KCNIP3: variants seen among roughly 807,000 people sequenced by gnomAD.
KCNIP3 encodes the protein calsenilin.
In KCNIP3, 28 loss-of-function variants were observed where a neutral mutation model predicts 35.0. The observed-to-expected ratio is 0.80, with a 90% CI of 0.59 to 1.10. The LOEUF (loss-of-function observed/expected upper bound fraction) is 1.10, where lower values mean the gene tolerates loss of function less well. KCNIP3 is among the 50% of genes least tolerant of loss of function. The pLI is 0.00. For synonymous variants in KCNIP3, 134 were observed against 133.8 expected, an observed-to-expected ratio of 1.00 and a Z score of -0.01; for missense variants, 295 against 338.4, an observed-to-expected ratio of 0.87 and a Z score of 1.01.
chr2:95,382,735 C>T lies in KCNIP3; in HGVS notation c.660+254C>T, dbSNP rs1158082179. Among the ~76,000 whole-genome samples the T allele has an allele frequency of 1.3e-5, 2 of 152,186 alleles. No individual in the cohort carries two copies. The highest frequency in any genetic ancestry group is 3.9e-4 in the East Asian group (2 of 5,182). On this transcript the variant is annotated intron_variant, in intron 7 of 8. Coordinates refer to ENST00000295225, the MANE Select transcript of KCNIP3 (RefSeq NM_013434.5). The surrounding 1 kb of genome is among the most constrained non-coding windows in gnomAD (Gnocchi z 4.5). ...GGCAGCTGACCCTGGGCCGGAGCTC[C>T]ATGCCTCCTGAGAGCTGTGTGGCTC...
chr2:95,383,889 C>T (rs2104311195), intron 8 of KCNIP3, 113 bp from the exon 9 acceptor site: 1 of 905,208 alleles, frequency 1.1e-6, no homozygotes, highest in Non-Finnish European at 1.8e-6. Context: ...CCCAATAAGA[C>T]AGACAGACAG....
intron 1 of KCNIP3, among the ~76,000 whole-genome samples, chr2:95,306,997 T>G (rs889199280): frequency 6.6e-6 from 1 of 152,174 alleles, no homozygotes; most frequent in Admixed American, 6.5e-5. Flanking sequence ...CGCAGCCTGA[T>G]GAGTCCCAGC....
chr2:95,312,833 A>G (rs1678356861), intron 2 of KCNIP3: 1 of 152,218 alleles, frequency 6.6e-6, no homozygotes, highest in Non-Finnish European at 1.5e-5. Context: ...GACCTCACGG[A>G]CAGAGGAGCC....
At chr2:95,367,139 G>C (rs891357714) in intron 2 of KCNIP3, among the ~76,000 whole-genome samples, 1 of 152,198 alleles carries the variant, frequency 6.6e-6, no homozygotes, top group South Asian at 2.1e-4. Flanking sequence ...TAGGTGTGGT[G>C]GTGCGTGCCT....
chr2:95,351,817 A>G (rs1558771507), intron 2 of KCNIP3, among the ~76,000 whole-genome samples: 1 of 152,098 alleles, frequency 6.6e-6, no homozygotes, highest in Non-Finnish European at 1.5e-5. Context: ...CTGTCTCTAC[A>G]AAACAAAAAA....
chr2:95,372,011 G>T (rs1680052038), intron 2 of KCNIP3, among the ~76,000 whole-genome samples: 1 of 151,962 alleles, frequency 6.6e-6, no homozygotes, highest in African/African-American at 2.4e-5. Context: ...CACCATGTTG[G>T]CCAGGCTGGT....
intron 2 of KCNIP3, among the ~76,000 whole-genome samples, chr2:95,358,562 A>G (rs1292465928): frequency 3.3e-5 from 5 of 152,230 alleles, no homozygotes; most frequent in East Asian, 3.8e-4. Flanking sequence ...TTCTGCTGCT[A>G]TAACAGAATA....
intron 2 of KCNIP3, among the ~76,000 whole-genome samples, chr2:95,321,536 C>T (rs2104227337): frequency 6.6e-6 from 1 of 152,336 alleles, no homozygotes; most frequent in Non-Finnish European, 1.5e-5. Flanking sequence ...CTTGAATTGA[C>T]ACAGCGTCAT....
intron 2 of KCNIP3, among the ~76,000 whole-genome samples, chr2:95,326,988 C>T (rs924409011): frequency 2.0e-5 from 3 of 152,210 alleles, no homozygotes; most frequent in African/African-American, 7.2e-5. Flanking sequence ...AAGACTTGCT[C>T]CCTCTTATCA....
In KCNIP3 at chr2:95,377,425, TC is replaced by T. The variant is rs1482782213; in HGVS notation, c.447+2220del. Among the ~76,000 whole-genome samples the T allele has an allele frequency of 1.3e-5, 2 of 152,184 alleles. No homozygotes were observed. The highest frequency in any genetic ancestry group is 4.8e-5 in the African/African-American group (2 of 41,440). Reference sequence around the variant, plus strand: ...TGCAAGCCCAGCAACCACATGCGACTCCCACCCCCTCGCTGAGCACCTGCTC... The same window carrying T: ...TGCAAGCCCAGCAACCACATGCGACTCCACCCCCTCGCTGAGCACCTGCTC... On this transcript the variant is annotated intron_variant, in intron 5 of 8. Transcript: ENST00000295225. This position sits in a 1 kb window ranked among gnomAD's most constrained non-coding sequence, Gnocchi z 4.7.
intron 2 of KCNIP3, among the ~76,000 whole-genome samples, chr2:95,329,566 C>T (rs1158714526): frequency 3.3e-5 from 5 of 152,232 alleles, no homozygotes; most frequent in African/African-American, 7.2e-5. Context: ...CTCCAGACCC[C>T]GTGCCCTGAG....
intron 2 of KCNIP3, among the ~76,000 whole-genome samples, chr2:95,360,673 C>T (rs947316663): frequency 3.9e-5 from 6 of 152,084 alleles, no homozygotes; most frequent in African/African-American, 1.2e-4. Context: ...AGTCCAAGAT[C>T]GAGGGCTTGG....
At chr2:95,368,008 C>T (rs1220519444) in intron 2 of KCNIP3, among the ~76,000 whole-genome samples, 6 of 152,250 alleles carry the variant, frequency 3.9e-5, no homozygotes, top group South Asian at 4.1e-4. Flanking sequence ...GTGATCCACC[C>T]GCCTTGGCCT....
At chr2:95,381,743 C>T in intron 6 of KCNIP3, 40 bp downstream of exon 6, 1 of 1,307,510 alleles carries the variant, frequency 7.6e-7, no homozygotes, top group Non-Finnish European at 1.1e-6. Context: ...CCCTCCTCCC[C>T]TCCTGCTGCT....
intron 1 of KCNIP3, chr2:95,303,009 C>T (rs1353421647): frequency 3.9e-5 from 6 of 152,582 alleles, no homozygotes; most frequent in African/African-American, 1.4e-4. Flanking sequence ...TTTTCCAGGA[C>T]CCCCACTTCT....
Position 95,335,908 on chromosome 2 carries a change from G to A in KCNIP3, c.181+25388G>A, listed in dbSNP as rs114552005. ...TCATTTTTAGTCCATTCACATTTAA[G>A]GTAATGATTGGTATGATAGGATTTA... is the stretch of plus-strand genomic sequence containing the variant. On this transcript the variant is annotated intron_variant, in intron 2 of 8. Transcript: ENST00000295225. 5.3e-3 allele frequency among the ~76,000 whole-genome samples: 811 copies of A among 152,026 alleles called. 7 individuals carry two copies. Among genetic ancestry groups the A allele is most frequent in the African/African-American group, 0.019 (780 of 41,450 alleles).
chr2:95,299,500 C>T (rs1268910135), intron 1 of KCNIP3, among the ~76,000 whole-genome samples: 1 of 152,224 alleles, frequency 6.6e-6, no homozygotes, highest in Non-Finnish European at 1.5e-5. Flanking sequence ...TGAATTCTCA[C>T]CTCACTCCTA....
intron 2 of KCNIP3, among the ~76,000 whole-genome samples, chr2:95,320,693 C>T (rs1163187332): frequency 6.6e-6 from 1 of 152,144 alleles, no homozygotes; most frequent in Non-Finnish European, 1.5e-5. Flanking sequence ...CAGTCACCAC[C>T]CGACCTCCTC....
rs1248173535 is a variant in KCNIP3 at position 95,384,159 on chromosome 2, A to G, written c.*110A>G. ...TTAAAAAATAGATTTGCAAAAAGTG[A>G]ACAGATTGCTACACACACACACACA... On this transcript the variant is annotated 3_prime_UTR_variant, in exon 9 of 9. Coordinates refer to ENST00000295225, the MANE Select transcript of KCNIP3 (RefSeq NM_013434.5). 2 of 731,610 alleles carry G rather than the reference A, an allele frequency of 2.7e-6. No individual in the cohort carries two copies. The highest frequency in any genetic ancestry group is 4.8e-6 in the Non-Finnish European group (2 of 413,682). 45.3% of individuals were successfully genotyped at this position (731,610 alleles called of 1,614,324 possible).
Sources: allele counts gnomAD v4.1 joint callset (sites outside exome capture counted in the v4.1 genomes callset), GRCh38; gene constraint gnomAD v4.1.1; non-coding constraint Gnocchi (gnomAD v3.1); transcripts MANE v1.5; gene names NCBI Gene and HGNC (gene_info 2026-07-23, HGNC 2026-07-21).